Variants in ABHD2 observed in about 807,000 individuals in gnomAD.
The protein encoded by ABHD2 is abhydrolase domain containing 2, acylglycerol lipase.
Under a neutral mutation model 48.1 loss-of-function variants are expected in ABHD2, and 20 were observed. The observed-to-expected ratio is 0.42, with a 90% CI of 0.29 to 0.60. ABHD2 has a LOEUF of 0.60. ABHD2 is among the 20% of genes least tolerant of loss of function. The pLI is 0.24. For synonymous variants in ABHD2, 209 were observed against 214.2 expected, an observed-to-expected ratio of 0.98 and a Z score of 0.21; for missense variants, 405 against 550.9, an observed-to-expected ratio of 0.74 and a Z score of 2.65.
At chr15:89,098,799 A>G (rs780613828) in intron 1 of ABHD2, among the ~76,000 whole-genome samples, 1 of 152,220 alleles carries the variant, frequency 6.6e-6, no homozygotes, top group Non-Finnish European at 1.5e-5. Flanking sequence ...GACTCTACAT[A>G]TAAATTCTGG....
chr15:89,050,881 G>T, the ABHD2 span, among the ~76,000 whole-genome samples: 71 of 152,122 alleles, frequency 4.7e-4, no homozygotes, highest in Non-Finnish European at 6.6e-4. Flanking sequence ...TTTTGAGAAT[G>T]ATCTACTGAG....
the ABHD2 span, among the ~76,000 whole-genome samples, chr15:89,061,179 A>G: frequency 3.9e-5 from 6 of 151,962 alleles, no homozygotes; most frequent in African/African-American, 1.5e-4. Context: ...GCACTTTGGG[A>G]GGCCAAGGCA....
chr15:89,090,541 G>A (rs1901555063), intron 1 of ABHD2, among the ~76,000 whole-genome samples: 1 of 139,144 alleles, frequency 7.2e-6, no homozygotes, highest in African/African-American at 2.7e-5. Context: ...ACAGACAGCT[G>A]CAAGGGGTTT....
intron 3 of ABHD2, among the ~76,000 whole-genome samples, chr15:89,125,089 C>CA (rs71723586): frequency 0.13 from 18,285 of 135,946 alleles, 2,623 homozygotes; most frequent in African/African-American, 0.37. Flanking sequence ...GACTTTGTCT[C>CA]AAAAAAAAAA....
chr15:89,146,019 C>G lies in ABHD2; in HGVS notation c.195-5658C>G, dbSNP rs1164668150. On this transcript the variant is annotated intron_variant, in intron 3 of 10. Coordinates refer to ENST00000352732, the MANE Select transcript of ABHD2 (RefSeq NM_152924.5). This position sits in a 1 kb window ranked among gnomAD's most constrained non-coding sequence, Gnocchi z 4.2. ...ATGCTGAGGAGTAGCTGCTGATGGG[C>G]ATTTTGTTCACTGGAAAGGACTTGC... Among the ~76,000 whole-genome samples, 1 of 152,082 alleles carries G rather than the reference C, an allele frequency of 6.6e-6. No individual in the cohort carries two copies. Among genetic ancestry groups the G allele is most frequent in the Non-Finnish European group, 1.5e-5 (1 of 68,028 alleles).
intron 3 of ABHD2, chr15:89,135,669 G>A: frequency 6.4e-7 from 1 of 1,551,072 alleles, no homozygotes; most frequent in South Asian, 1.1e-5. Context: ...GCTGCAGCAG[G>A]CTTTCCTTTA....
At chr15:89,187,357 A>G (rs1041821633) in intron 7 of ABHD2, among the ~76,000 whole-genome samples, 13 of 152,248 alleles carry the variant, frequency 8.5e-5, no homozygotes, top group African/African-American at 2.7e-4. Flanking sequence ...CATTCTATCC[A>G]GTAGGTATAT....
the ABHD2 span, among the ~76,000 whole-genome samples, chr15:89,081,929 C>T: frequency 6.6e-6 from 1 of 152,324 alleles, no homozygotes; most frequent in South Asian, 2.1e-4. Flanking sequence ...TATAATCACA[C>T]TTTAAGCCTG....
intron 4 of ABHD2, among the ~76,000 whole-genome samples, chr15:89,153,894 C>G (rs2050631021): frequency 6.6e-6 from 1 of 152,104 alleles, no homozygotes; most frequent in African/African-American, 2.4e-5. Context: ...CTCTAAAAGT[C>G]TTCAAAAACA....
chr15:89,127,824 C>G (rs2050160183), intron 3 of ABHD2, among the ~76,000 whole-genome samples: 1 of 151,216 alleles, frequency 6.6e-6, no homozygotes, highest in African/African-American at 2.4e-5. Context: ...ATACTCAGCC[C>G]CTTCTATATC....
At chr15:89,042,571 TTTTC>T in the ABHD2 span, among the ~76,000 whole-genome samples, 27 of 147,828 alleles carry the variant, frequency 1.8e-4, no homozygotes, top group African/African-American at 5.5e-4. Context: ...TTTTATTTCC[TTTTC>T]TTTCTTTCTT....
In ABHD2 at chr15:89,174,844, G is replaced by A. The variant is rs1034844466; in HGVS notation, c.539-968G>A. On this transcript the variant is annotated intron_variant, in intron 5 of 10. Transcript: ENST00000352732. The surrounding 1 kb of genome is among the most constrained non-coding windows in gnomAD (Gnocchi z 4.1). ...TTCACCTCCTCCTCTTAGCAAAGCT[G>A]CTGAGACATAACATGGCTTCAATAA... Among the ~76,000 whole-genome samples, 1 of 152,188 alleles carries A rather than the reference G, an allele frequency of 6.6e-6. No individual in the cohort carries two copies. The highest frequency in any genetic ancestry group is 1.5e-5 in the Non-Finnish European group (1 of 68,026).
At chr15:89,068,082 A>G in the ABHD2 span, among the ~76,000 whole-genome samples, 2 of 152,144 alleles carry the variant, frequency 1.3e-5, no homozygotes, top group Non-Finnish European at 2.9e-5. Context: ...TCTCCCCTAC[A>G]GGACTTCTAC....
Position 89,176,134 on chromosome 15 carries a change from C to T in ABHD2, c.722+139C>T, listed in dbSNP as rs2051009535. The T allele has an allele frequency of 1.0e-5, 9 of 893,872 alleles. No individual in the cohort carries two copies. Among genetic ancestry groups the T allele is most frequent in the Non-Finnish European group, 1.5e-5 (9 of 608,824 alleles). The allele number at this position is 893,872 out of a possible 1,614,324, so 55.4% of individuals were successfully genotyped here. A position where few individuals can be genotyped will look rare whatever the true frequency, so the allele number is the denominator to read the frequency against. ...AGAAGTTTCTGAGTCTTGGACTCAC[C>T]TTGTTTTGTCTGCATATCATACATT... On this transcript the variant is annotated intron_variant, in intron 6 of 10. Coordinates refer to ENST00000352732, the MANE Select transcript of ABHD2 (RefSeq NM_152924.5). This position sits in a 1 kb window ranked among gnomAD's most constrained non-coding sequence, Gnocchi z 4.5.
At chr15:89,134,029 G>A (rs1409415012) in intron 3 of ABHD2, among the ~76,000 whole-genome samples, 1 of 151,956 alleles carries the variant, frequency 6.6e-6, no homozygotes, top group Admixed American at 6.6e-5. Context: ...TAGTAGAGAC[G>A]GGGTTTCACC....
chr15:89,130,398 C>A lies in ABHD2; in HGVS notation c.194+13877C>A, dbSNP rs73467773. The stretch of plus-strand genomic sequence containing the variant: ...GTCACACCTCACACACTGGCTCTTA[C>A]AGGCTGCTACCGGAAATGGCACTTG... On this transcript the variant is annotated intron_variant, in intron 3 of 10. Coordinates refer to ENST00000352732, the MANE Select transcript of ABHD2 (RefSeq NM_152924.5). Among the ~76,000 whole-genome samples the A allele has an allele frequency of 2.3e-3, 348 of 152,336 alleles. 1 individual carries two copies. The highest frequency in any genetic ancestry group is 7.7e-3 in the African/African-American group (322 of 41,570).
the ABHD2 span, among the ~76,000 whole-genome samples, chr15:89,045,947 G>A: frequency 6.6e-6 from 1 of 152,042 alleles, no homozygotes. Context: ...AATAGGAGTG[G>A]TGAGAGAGGG....
At chr15:89,135,311 C>T (rs2050289218) in intron 3 of ABHD2, among the ~76,000 whole-genome samples, 1 of 151,610 alleles carries the variant, frequency 6.6e-6, no homozygotes, top group Admixed American at 6.6e-5. Flanking sequence ...TGCCAGTTTA[C>T]AATCCCCATA....
chr15:89,140,597 A>T (rs2150866088), intron 3 of ABHD2, among the ~76,000 whole-genome samples: 2 of 152,234 alleles, frequency 1.3e-5, no homozygotes, highest in South Asian at 4.1e-4. Flanking sequence ...ACACACACAG[A>T]CACACACATA....
Sources: allele counts gnomAD v4.1 joint callset (sites outside exome capture counted in the v4.1 genomes callset), GRCh38; gene constraint gnomAD v4.1.1; non-coding constraint Gnocchi (gnomAD v3.1); transcripts MANE v1.5; gene names NCBI Gene and HGNC (gene_info 2026-07-23, HGNC 2026-07-21).